Variants in SAMD8 observed in about 807,000 individuals in gnomAD.
The protein encoded by SAMD8 is sphingomyelin synthase-related protein 1.
A neutral mutation model predicts 42.0 loss-of-function variants in SAMD8; 20 were observed. That is an observed-to-expected ratio of 0.48 (90% CI 0.34 to 0.69). The LOEUF (loss-of-function observed/expected upper bound fraction) is 0.69. Ranked by LOEUF, SAMD8 falls within the 30% of genes least tolerant of loss-of-function variation. The pLI is 0.01. For synonymous variants in SAMD8, 162 were observed against 173.0 expected (o/e 0.94, Z 0.50); for missense variants, 328 against 511.6 (o/e 0.64, Z 3.46).
chr10:75,119,500 G>A (rs941350413), intron 1 of SAMD8, among the ~76,000 whole-genome samples: 1 of 152,166 alleles, frequency 6.6e-6, no homozygotes, highest in Non-Finnish European at 1.5e-5. Flanking sequence ...TTTATCAGTT[G>A]TGAATTCCTT....
intron 1 of SAMD8, among the ~76,000 whole-genome samples, chr10:75,141,703 G>A (rs1346867797): frequency 2.6e-5 from 4 of 151,480 alleles, no homozygotes; most frequent in Non-Finnish European, 5.9e-5. Context: ...CACCATGCCC[G>A]GCTAATTTTT....
chr10:75,159,759 C>G (rs571937709), intron 2 of SAMD8, among the ~76,000 whole-genome samples: 1 of 152,330 alleles, frequency 6.6e-6, no homozygotes, highest in Admixed American at 6.5e-5. Flanking sequence ...TTACCCTTTC[C>G]TGAGTTCTCC....
intron 2 of SAMD8, among the ~76,000 whole-genome samples, chr10:75,154,325 C>G (rs186562793): frequency 6.6e-6 from 1 of 152,230 alleles, no homozygotes; most frequent in Non-Finnish European, 1.5e-5. Context: ...ATCCGTGTAT[C>G]TTGTCTCCCC....
chr10:75,109,818 T>G (rs114068696), upstream of SAMD8, among the ~76,000 whole-genome samples: 72 of 150,198 alleles, frequency 4.8e-4, no homozygotes, highest in African/African-American at 1.4e-3. Context: ...AAGGTGTTTT[T>G]TTTTGTTTTG....
At chr10:75,142,579 G>A (rs1445169079) in intron 1 of SAMD8, among the ~76,000 whole-genome samples, 1 of 152,076 alleles carries the variant, frequency 6.6e-6, no homozygotes, top group East Asian at 1.9e-4. Flanking sequence ...TGGGACTATA[G>A]GCGCGTGCCA....
At chr10:75,135,951 T>C (rs1261816389) in intron 1 of SAMD8, among the ~76,000 whole-genome samples, 1 of 152,118 alleles carries the variant, frequency 6.6e-6, no homozygotes, top group East Asian at 1.9e-4. Flanking sequence ...CATGTGCTAA[T>C]CATATAGGCC....
chr10:75,123,967 A>T (rs1216667834), intron 1 of SAMD8, among the ~76,000 whole-genome samples: 1 of 152,140 alleles, frequency 6.6e-6, no homozygotes, highest in Non-Finnish European at 1.5e-5. Context: ...AGCTCCAGCG[A>T]TCCGCCTGCC....
At chr10:75,168,163 C>G (rs532667969) in intron 3 of SAMD8, among the ~76,000 whole-genome samples, 2 of 152,140 alleles carry the variant, frequency 1.3e-5, no homozygotes, top group East Asian at 3.9e-4. Flanking sequence ...CGCCTGGACT[C>G]TTAGCCATAT....
intron 1 of SAMD8, among the ~76,000 whole-genome samples, chr10:75,139,040 C>T (rs1037269050): frequency 6.6e-6 from 1 of 151,320 alleles, no homozygotes; most frequent in Non-Finnish European, 1.5e-5. Context: ...AGTTCACTGC[C>T]ACCTCCGCCT....
chr10:75,152,349 C>T (rs1372603172), intron 2 of SAMD8, among the ~76,000 whole-genome samples: 7 of 146,820 alleles, frequency 4.8e-5, no homozygotes, highest in African/African-American at 1.3e-4. Flanking sequence ...GGTGAAACCC[C>T]GTCTCTACTA....
chr10:75,120,417 C>T (rs1848977315), intron 1 of SAMD8, among the ~76,000 whole-genome samples: 2 of 151,728 alleles, frequency 1.3e-5, no homozygotes, highest in African/African-American at 2.4e-5. Context: ...TTACAGGCGC[C>T]TGCCACCATG....
Position 75,116,970 on chromosome 10 carries a change from C to T in SAMD8, c.-16+5248C>T, listed in dbSNP as rs541462912. ...GATTACAGGCGCGTGCCACCATGCT[C>T]GGCTAATTTTTTGTGTTTTTAGTAG... On this transcript the variant is annotated intron_variant, in intron 1 of 5. Coordinates refer to ENST00000542569, the MANE Select transcript of SAMD8 (RefSeq NM_001174156.2). 5.3e-5 allele frequency among the ~76,000 whole-genome samples: 8 copies of T among 152,070 alleles called. No homozygotes were observed. The East Asian group carries it at 9.7e-4, about 19-fold the overall frequency.
At position 75,150,669 on chromosome 10, in the gene SAMD8, G is replaced by A. The variant is rs778267648; in HGVS notation, c.141G>A (p.Leu47=). 30 of 1,614,118 alleles carry A rather than the reference G, an allele frequency of 1.9e-5. No homozygotes were observed. The East Asian group carries it at 6.7e-4, about 36-fold the overall frequency. The change falls in exon 2 of 6, where the codon TTG becomes TTA. Residue 47 remains leucine, a synonymous_variant. Transcript: ENST00000542569. ...TTGATGGAATCACATTGCTAACATT[G>A]ACTGAATATGATCTCCGGTCTCCTC... ...HRLDGITLLT[L]TEYDLRSPPL... is the part of the protein sequence containing the mutation.
chr10:75,125,860 A>T (rs1398741353), intron 1 of SAMD8: 1 of 152,194 alleles, frequency 6.6e-6, no homozygotes, highest in Non-Finnish European at 1.5e-5. Flanking sequence ...ACCTCCACCA[A>T]AGTCCGTATA....
chr10:75,157,583 T>C (rs1414196205), intron 2 of SAMD8, among the ~76,000 whole-genome samples: 2 of 152,144 alleles, frequency 1.3e-5, no homozygotes, highest in Non-Finnish European at 2.9e-5. Flanking sequence ...GAGAGGAGGA[T>C]GGAGGCTTGA....
intron 1 of SAMD8, 90 bp from the exon 2 acceptor site, chr10:75,150,424 G>A (rs1264544009): frequency 6.7e-6 from 10 of 1,482,576 alleles, no homozygotes; most frequent in African/African-American, 2.8e-5. Context: ...CGCCTGGCCT[G>A]TTTCTGGTGT....
At chr10:75,114,216 G>A (rs1382020683) in intron 1 of SAMD8, among the ~76,000 whole-genome samples, 5 of 151,872 alleles carry the variant, frequency 3.3e-5, no homozygotes, top group Non-Finnish European at 7.4e-5. Context: ...GCTCACACCT[G>A]TAATCCCAGC....
intron 1 of SAMD8, 70 bp downstream of exon 1, chr10:75,111,792 C>T: frequency 4.1e-6 from 5 of 1,231,034 alleles, no homozygotes; most frequent in Non-Finnish European, 5.1e-6. Context: ...AGTGGGGAGT[C>T]TGGGATGGAG....
chr10:75,145,843 C>T (rs917132254), intron 1 of SAMD8, among the ~76,000 whole-genome samples: 3 of 152,158 alleles, frequency 2.0e-5, no homozygotes, highest in African/African-American at 7.2e-5. Flanking sequence ...CAAGATCTTT[C>T]TGTGTACTCT....
Sources: allele counts gnomAD v4.1 joint callset (sites outside exome capture counted in the v4.1 genomes callset), GRCh38; gene constraint gnomAD v4.1.1; transcripts MANE v1.5; gene names NCBI Gene and HGNC (gene_info 2026-07-23, HGNC 2026-07-21).